Variants in PRDM9 observed in about 807,000 individuals in gnomAD.
The protein encoded by PRDM9 is histone-lysine N-methyltransferase PRDM9.
Under a neutral mutation model 55.6 loss-of-function variants are expected in PRDM9, and 47 were observed. The observed-to-expected ratio is 0.85, with a 90% CI of 0.67 to 1.08. The LOEUF is 1.08. Ranked by LOEUF, PRDM9 falls within the 50% of genes least tolerant of loss-of-function variation. The pLI, the probability that PRDM9 is intolerant of heterozygous loss-of-function variation, is 0.00. For missense variants in PRDM9, 867 were observed against 1,040.3 expected, an observed-to-expected ratio of 0.83 and a Z score of 2.29; for synonymous variants, 312 against 375.7, an observed-to-expected ratio of 0.83 and a Z score of 1.96.
chr5:23,508,924 C>A, intron 1 of PRDM9, 26 bp from the exon 2 acceptor site: 2 of 1,328,792 alleles, frequency 1.5e-6, no homozygotes, highest in African/African-American at 1.5e-5. Context: ...GCTGTTGCCC[C>A]CTCTCAGCAC....
chr5:23,515,062 C>G (rs931137802), intron 4 of PRDM9, among the ~76,000 whole-genome samples: 27 of 151,450 alleles, frequency 1.8e-4, no homozygotes, highest in African/African-American at 6.3e-4. Flanking sequence ...CTCCCGGGTT[C>G]CACCGATTAT....
intron 2 of PRDM9, 101 bp from the exon 3 acceptor site, chr5:23,509,369 C>T (rs985091527): frequency 1.4e-5 from 22 of 1,584,322 alleles, no homozygotes; most frequent in Admixed American, 3.3e-5. Flanking sequence ...TTCACAGAGA[C>T]TCCCAGAGGC....
chr5:23,523,011 G>C, intron 8 of PRDM9, 126 bp downstream of exon 8: 1 of 1,526,146 alleles, frequency 6.6e-7, no homozygotes, highest in Non-Finnish European at 9.1e-7. Context: ...TGTACTCAAG[G>C]TTCTTTGCAT....
Position 23,521,153 on chromosome 5 carries a change from C to G in PRDM9, c.482C>G (p.Ser161Cys). The change falls in exon 6 of 11, where the codon TCT (serine) becomes TGT (cysteine). Residue 161 changes from serine (S) to cysteine (C), a missense_variant. Physicochemically the swap from Ser to Cys is moderately radical, Grantham distance 112. This residue lies in a region of PRDM9 where 662 missense variants were observed against 711.9 expected (regional missense o/e 0.93). Coordinates refer to ENST00000296682, the MANE Select transcript of PRDM9 (RefSeq NM_020227.4). ...TCCCCTTCTGGAGAAGCAAGTACCT[C>G]TGGACAGCACTCAAGACTAAAACTG... is the stretch of plus-strand genomic sequence containing the variant. ...PVSPSGEASTSGQHSRLKLEL... is the reference protein window; with the variant it reads ...PVSPSGEASTCGQHSRLKLEL... 1 of 1,613,596 alleles carries G rather than the reference C, an allele frequency of 6.2e-7. No individual in the cohort carries two copies. The highest frequency in any genetic ancestry group is 1.1e-5 in the South Asian group (1 of 91,046).
chr5:23,524,910 A>G (rs576428080), intron 10 of PRDM9, among the ~76,000 whole-genome samples: 1 of 152,324 alleles, frequency 6.6e-6, no homozygotes, highest in African/African-American at 2.4e-5. Context: ...AATTACCTCA[A>G]TTAGCTGTCA....
chr5:23,515,340 G>A lies in PRDM9; in HGVS notation c.302-2541G>A, dbSNP rs1289305976. Among the ~76,000 whole-genome samples the A allele has an allele frequency of 3.9e-5, 6 of 152,178 alleles. No individual in the cohort carries two copies. The East Asian group carries it at 7.7e-4, about 20-fold the overall frequency. On this transcript the variant is annotated intron_variant, in intron 4 of 10. Transcript: ENST00000296682. ...GCTCTGGCTGGTCTCGAACTCCTAG[G>A]TTCAAGTTATCCTCCCACCTGAGCC...
In PRDM9 at chr5:23,510,232, A is replaced by T. The variant is rs186252797; in HGVS notation, c.301+205A>T. ...ACTACGCCCAGCTAATTTTTTGTAA[A>T]TTTTTTTTAGTAGAGATGGGGTTTC... is the stretch of plus-strand genomic sequence containing the variant. On this transcript the variant is annotated intron_variant, in intron 4 of 10. Transcript: ENST00000296682. 2.8e-3 allele frequency among the ~76,000 whole-genome samples: 426 copies of T among 151,062 alleles called. 3 individuals carry two copies. The highest frequency in any genetic ancestry group is 5.1e-3 in the Non-Finnish European group (344 of 67,656).
intron 5 of PRDM9, 65 bp from the exon 6 acceptor site, chr5:23,520,958 G>T: frequency 1.1e-5 from 17 of 1,563,598 alleles, no homozygotes; most frequent in Non-Finnish European, 1.5e-5. Context: ...ATGAAAACAT[G>T]TTGCAAGCCG....
chr5:23,521,079 A>C lies in PRDM9; in HGVS notation c.408A>C (p.Thr136=). Residue 136 remains threonine, a synonymous_variant, in exon 6 of 11, where the codon ACA becomes ACC. Coordinates refer to ENST00000296682, the MANE Select transcript of PRDM9 (RefSeq NM_020227.4). The stretch of plus-strand genomic sequence containing the variant: ...CTAGTTTGAAAGAATTGTCAAGAAC[A>C]GCAAATTTACTGAATGCAAGTGGCT... ...NESSLKELSR[T]ANLLNASGSE... 1 of 1,614,246 alleles carries C rather than the reference A, an allele frequency of 6.2e-7. No homozygotes were observed. The highest frequency in any genetic ancestry group is 8.5e-7 in the Non-Finnish European group (1 of 1,180,028).
intron 4 of PRDM9, among the ~76,000 whole-genome samples, chr5:23,514,211 G>T (rs1383387589): frequency 1.3e-5 from 2 of 152,026 alleles, no homozygotes; most frequent in East Asian, 3.9e-4. Context: ...GTCAGCCCAG[G>T]CTGCCACAAG....
intron 9 of PRDM9, 100 bp from the exon 10 acceptor site, chr5:23,524,234 A>G (rs1739387879): frequency 6.8e-7 from 1 of 1,473,894 alleles, no homozygotes; most frequent in African/African-American, 1.4e-5. Flanking sequence ...GGTCAGCACT[A>G]GACCATGGAG....
At chr5:23,521,589 C>T (rs1234330105) in intron 6 of PRDM9, among the ~76,000 whole-genome samples, 1 of 152,168 alleles carries the variant, frequency 6.6e-6, no homozygotes, top group Non-Finnish European at 1.5e-5. Context: ...CTGCTCACTT[C>T]AGCCTCCCAA....
intron 4 of PRDM9, among the ~76,000 whole-genome samples, chr5:23,510,489 C>T (rs1739073358): frequency 6.6e-6 from 1 of 151,834 alleles, no homozygotes; most frequent in South Asian, 2.1e-4. Context: ...TCTCGAGTAG[C>T]TGGGACTACA....
intron 4 of PRDM9, among the ~76,000 whole-genome samples, chr5:23,510,627 G>GGATGATGATGAT (rs201050539): frequency 1.5e-4 from 22 of 142,882 alleles, no homozygotes; most frequent in East Asian, 8.7e-4. Flanking sequence ...CAAAGTGCTG[G>GGATGATGATGAT]GATGATGATG....
intron 8 of PRDM9, 144 bp downstream of exon 8, chr5:23,523,029 G>A (rs1739365447): frequency 4.1e-6 from 6 of 1,455,110 alleles, no homozygotes; most frequent in Admixed American, 3.4e-5. Context: ...CATGAACACG[G>A]AACTCCTATT....
intron 1 of PRDM9, among the ~76,000 whole-genome samples, chr5:23,508,466 A>G (rs1739026013): frequency 6.6e-6 from 1 of 152,168 alleles, no homozygotes; most frequent in Admixed American, 6.5e-5. Flanking sequence ...GCTTCCCCTT[A>G]GAGATGCAGA....
intron 5 of PRDM9, among the ~76,000 whole-genome samples, chr5:23,520,423 G>A (rs999997787): frequency 7.0e-6 from 1 of 143,396 alleles, no homozygotes; most frequent in East Asian, 2.1e-4. Flanking sequence ...AAACTAAAGA[G>A]AATTAGCTAA....
intron 4 of PRDM9, among the ~76,000 whole-genome samples, chr5:23,511,720 T>C (rs1293011984): frequency 6.6e-6 from 1 of 152,172 alleles, no homozygotes; most frequent in Non-Finnish European, 1.5e-5. Context: ...ATGTATAAAA[T>C]CTAAATGTGA....
intron 9 of PRDM9, 88 bp from the exon 10 acceptor site, chr5:23,524,246 C>T: frequency 1.3e-6 from 2 of 1,515,978 alleles, no homozygotes; most frequent in Non-Finnish European, 1.8e-6. Context: ...ACCATGGAGG[C>T]CTAGACCAGC....
Sources: gnomAD v4.1 joint callset for allele counts (sites outside exome capture counted in the v4.1 genomes callset) on GRCh38, gnomAD v4.1.1 for gene constraint, gnomAD v4.1.1 regional missense constraint, MANE v1.5 for transcripts, NCBI Gene and HGNC (gene_info 2026-07-23, HGNC 2026-07-21) for gene names.